Variants in RARB observed in about 807,000 individuals in gnomAD.
RARB encodes retinoic acid receptor beta, also known as HBV-activated protein.
A neutral mutation model predicts 51.9 loss-of-function variants in RARB; 17 were observed. That is an observed-to-expected ratio of 0.33 (90% confidence interval 0.22 to 0.49). RARB has a LOEUF of 0.49. RARB is among the 20% of genes least tolerant of loss of function. The probability of loss-of-function intolerance (pLI) is 0.99; values close to 1 mark genes in which losing one functional copy is unlikely to be tolerated. For synonymous variants in RARB, 215 were observed against 195.4 expected (o/e 1.10, Z -0.84); for missense variants, 369 against 550.8 (o/e 0.67, Z 3.30).
intron 3 of RARB, among the ~76,000 whole-genome samples, chr3:25,512,537 G>A (rs1697946962): frequency 6.6e-6 from 1 of 152,284 alleles, no homozygotes; most frequent in South Asian, 2.1e-4. Flanking sequence ...GCCCCCAAAT[G>A]TGCCACACAC....
rs530964911 is a variant in RARB at position 25,099,712 on chromosome 3, C to T, written c.-327-32449C>T. Among the ~76,000 whole-genome samples, 10 of 151,976 alleles carry T rather than the reference C, an allele frequency of 6.6e-5. No homozygotes were observed. The South Asian group carries it at 2.1e-3, about 32-fold the overall frequency. On this transcript the variant is annotated intron_variant, in intron 3 of 11. Transcript: ENST00000383772. Reference sequence around the variant, plus strand: ...ATGTCAGTCTGTCCATGGAAGGTCACTGGAGTCCTTCCCTTTGTCCTTTGC... The same window carrying T: ...ATGTCAGTCTGTCCATGGAAGGTCATTGGAGTCCTTCCCTTTGTCCTTTGC...
chr3:25,278,276 A>C (rs768234589), intron 5 of RARB, among the ~76,000 whole-genome samples: 1 of 152,214 alleles, frequency 6.6e-6, no homozygotes, highest in Non-Finnish European at 1.5e-5. Flanking sequence ...TTTGTCGTAA[A>C]GATTAAATGA....
rs1701935486 is a variant in RARB at position 25,597,785 on chromosome 3, T to TTTTGA, written c.*1171_*1172insTGATT. 6.6e-6 allele frequency: 1 copy of TTTTGA among 152,402 alleles called. No homozygotes were observed. The highest frequency in any genetic ancestry group is 2.4e-5 in the African/African-American group (1 of 41,346). 9.4% of individuals were successfully genotyped at this position (152,402 alleles called of 1,614,324 possible). A position where few individuals can be genotyped will look rare whatever the true frequency, so the allele number is the denominator to read the frequency against. ...TTAAGCACTAGTGGAATTTTTTTTT[T>TTTTGA]TTGATATATTAGCAAGTCTGTGATG... On this transcript the variant is annotated 3_prime_UTR_variant, in exon 8 of 8. Coordinates refer to ENST00000330688, the MANE Select transcript of RARB (RefSeq NM_000965.5).
intron 2 of RARB, among the ~76,000 whole-genome samples, chr3:24,999,100 G>A (rs1350971338): frequency 3.3e-5 from 5 of 152,074 alleles, no homozygotes; most frequent in African/African-American, 1.2e-4. Flanking sequence ...ATGACATTAA[G>A]CTTCTTCAGG....
chr3:25,445,367 C>A (rs896718936), intron 1 of RARB, among the ~76,000 whole-genome samples: 2 of 152,108 alleles, frequency 1.3e-5, no homozygotes, highest in Non-Finnish European at 2.9e-5. Context: ...CATACTTCTT[C>A]AGAATATCAA....
chr3:25,147,066 T>C (rs1700205442), intron 4 of RARB, among the ~76,000 whole-genome samples: 1 of 152,178 alleles, frequency 6.6e-6, no homozygotes, highest in Non-Finnish European at 1.5e-5. Context: ...ATGATTCTAG[T>C]GAGCAGCCAG....
chr3:25,084,332 AT>A (rs775107285), intron 3 of RARB, among the ~76,000 whole-genome samples: 21 of 152,084 alleles, frequency 1.4e-4, no homozygotes, highest in Non-Finnish European at 2.6e-4. Context: ...TTTTGTCCAG[AT>A]TTATAGTTCT....
chr3:24,848,382 A>T (rs1309920656), intron 1 of RARB, among the ~76,000 whole-genome samples: 1 of 152,146 alleles, frequency 6.6e-6, no homozygotes, highest in African/African-American at 2.4e-5. Context: ...TAAACACATC[A>T]AATCCAAATA....
At chr3:25,565,865 A>G (rs753726912) in intron 3 of RARB, among the ~76,000 whole-genome samples, 21 of 151,190 alleles carry the variant, frequency 1.4e-4, no homozygotes, top group Admixed American at 5.3e-4. Flanking sequence ...TGCTACTGCC[A>G]TCTCGGGGGA....
intron 2 of RARB, among the ~76,000 whole-genome samples, chr3:24,914,524 C>T (rs538976553): frequency 6.6e-6 from 1 of 152,168 alleles, no homozygotes; most frequent in South Asian, 2.1e-4. Flanking sequence ...CCATAAAGGA[C>T]TGGTTCTGGT....
chr3:24,940,453 AG>A (rs10585142), intron 2 of RARB, among the ~76,000 whole-genome samples: 1 of 151,824 alleles, frequency 6.6e-6, no homozygotes, highest in Non-Finnish European at 1.5e-5. Flanking sequence ...CAACAAGAGA[AG>A]GGGGGATAGG....
intron 3 of RARB, among the ~76,000 whole-genome samples, chr3:25,114,158 A>G (rs1011153798): frequency 2.0e-5 from 3 of 152,144 alleles, no homozygotes; most frequent in African/African-American, 7.2e-5. Flanking sequence ...TGTGTTTACA[A>G]TATTTGTGTT....
At chr3:24,903,887 T>G (rs1381171358) in intron 2 of RARB, among the ~76,000 whole-genome samples, 1 of 152,186 alleles carries the variant, frequency 6.6e-6, no homozygotes, top group African/African-American at 2.4e-5. Context: ...ATGTGATAAG[T>G]TATATGGTAT....
At chr3:25,249,997 C>T (rs1395386595) in intron 5 of RARB, among the ~76,000 whole-genome samples, 1 of 150,938 alleles carries the variant, frequency 6.6e-6, no homozygotes, top group Non-Finnish European at 1.5e-5. Flanking sequence ...GTGGGAAGAT[C>T]TTCAGGCCCC....
chr3:25,473,882 C>T (rs941875974), intron 2 of RARB, among the ~76,000 whole-genome samples: 4 of 129,266 alleles, frequency 3.1e-5, no homozygotes, highest in Non-Finnish European at 4.7e-5. Context: ...GTGACCCTCT[C>T]GGTTCTGCTT....
chr3:24,864,344 C>T (rs1702809947), intron 2 of RARB, among the ~76,000 whole-genome samples: 1 of 152,168 alleles, frequency 6.6e-6, no homozygotes, highest in Non-Finnish European at 1.5e-5. Flanking sequence ...AGTGTTGTTC[C>T]TTTGCGTTTT....
intron 5 of RARB, among the ~76,000 whole-genome samples, chr3:25,408,458 T>C (rs1707473406): frequency 6.6e-6 from 1 of 152,152 alleles, no homozygotes; most frequent in East Asian, 1.9e-4. Flanking sequence ...CTTACTATCA[T>C]GAGAACAGTA....
rs577527094 is a variant in RARB at position 25,183,156 on chromosome 3, C to T, written c.178+8581C>T. On this transcript the variant is annotated intron_variant, in intron 5 of 11. Coordinates refer to the RARB transcript ENST00000383772. ...AAACTATGTTTTCGAAACTTTCTCC[C>T]TCTAAAAATATCCATTAATTTGTTT... 2.0e-5 allele frequency among the ~76,000 whole-genome samples: 3 copies of T among 152,260 alleles called. No individual in the cohort carries two copies. The South Asian group carries it at 6.2e-4, about 32-fold the overall frequency.
intron 2 of RARB, among the ~76,000 whole-genome samples, chr3:24,956,973 T>C (rs1339415339): frequency 6.6e-6 from 1 of 152,198 alleles, no homozygotes; most frequent in Non-Finnish European, 1.5e-5. Context: ...GTCGAGATGC[T>C]ATTTTGAATT....
Sources: allele counts gnomAD v4.1 joint callset (sites outside exome capture counted in the v4.1 genomes callset), GRCh38; gene constraint gnomAD v4.1.1; transcripts MANE v1.5; gene names NCBI Gene and HGNC (gene_info 2026-07-23, HGNC 2026-07-21).